Variants in ERG observed in about 807,000 individuals in gnomAD.
ERG encodes the protein ETS transcription factor ERG.
ERG carries 9 observed loss-of-function variants against 55.3 expected under a neutral mutation model. The observed-to-expected ratio is 0.16, with a 90% CI of 0.10 to 0.28. The LOEUF (loss-of-function observed/expected upper bound fraction) is 0.28, where lower values mean the gene tolerates loss of function less well. Ranked by LOEUF, ERG falls within the 10% of genes least tolerant of loss-of-function variation. ERG has a pLI of 1.00. For missense variants in ERG, 434 were observed against 631.6 expected (o/e 0.69, Z 3.35); for synonymous variants, 223 against 237.3 (o/e 0.94, Z 0.55).
At chr21:38,573,573 A>G (rs935189893) in intron 2 of ERG, among the ~76,000 whole-genome samples, 1 of 152,238 alleles carries the variant, frequency 6.6e-6, no homozygotes, top group East Asian at 1.9e-4. Flanking sequence ...ATCCAGGCAT[A>G]GTACCTTCCC....
intron 1 of ERG, among the ~76,000 whole-genome samples, chr21:38,618,226 A>G (rs187548003): frequency 6.6e-6 from 1 of 152,356 alleles, no homozygotes; most frequent in East Asian, 1.9e-4. Context: ...CATCCTGTTA[A>G]GAGGCACTGA....
At chr21:38,450,552 T>C (rs1360403904) in intron 1 of ERG, among the ~76,000 whole-genome samples, 1 of 152,190 alleles carries the variant, frequency 6.6e-6, no homozygotes, top group Non-Finnish European at 1.5e-5. Context: ...AACCCTTCCT[T>C]AAATTTCCCT....
chr21:38,405,519 G>A (rs1253541807), intron 3 of ERG, among the ~76,000 whole-genome samples: 1 of 152,138 alleles, frequency 6.6e-6, no homozygotes, highest in Non-Finnish European at 1.5e-5. Context: ...AATTAGGCTG[G>A]AGGGCAGTTG....
At chr21:38,482,181 C>T (rs1184786362) in intron 1 of ERG, among the ~76,000 whole-genome samples, 2 of 152,214 alleles carry the variant, frequency 1.3e-5, no homozygotes, top group African/African-American at 4.8e-5. Context: ...CCCCGGTCAT[C>T]TGACCTTCCC....
chr21:38,383,831 C>G lies in ERG; in HGVS notation c.1012G>C (p.Glu338Gln), dbSNP rs781098288. 1 of 1,614,172 alleles carries G rather than the reference C, an allele frequency of 6.2e-7. No individual in the cohort carries two copies. Among genetic ancestry groups the G allele is most frequent in the South Asian group, 1.1e-5 (1 of 91,086 alleles). The change falls in exon 10 of 10, where the codon GAG becomes CAG. Residue 338 changes from glutamate (E) to glutamine (Q), a missense_variant. Physicochemically the swap from Glu to Gln is conservative, Grantham distance 29. Around this residue, in one of 5 missense-constraint regions of ERG, gnomAD observed 13 missense variants for 76.6 expected, o/e 0.17. Transcript: ENST00000288319. This position sits in a 1 kb window ranked among gnomAD's most constrained non-coding sequence, Gnocchi z 5.7. ...SCITWEGTNG[E>Q]FKMTDPDEVA... ...TCGTCGGGATCCGTCATCTTGAACT[C>G]CCCGTTGGTGCCTTCCCAGGTGATG... is the stretch of plus-strand genomic sequence containing the variant.
chr21:38,372,723 T>C, the ERG span, among the ~76,000 whole-genome samples: 1 of 152,146 alleles, frequency 6.6e-6, no homozygotes, highest in Non-Finnish European at 1.5e-5. Context: ...CTATTCATGG[T>C]AAATTTGTAA....
At chr21:38,631,083 G>A (rs546478750) in intron 1 of ERG, among the ~76,000 whole-genome samples, 52 of 152,316 alleles carry the variant, frequency 3.4e-4, no homozygotes, top group Non-Finnish European at 5.9e-4. Flanking sequence ...CAGAAACCAG[G>A]ATGTGACCAC....
chr21:38,459,834 C>T (rs186582262), intron 1 of ERG, among the ~76,000 whole-genome samples: 1 of 152,332 alleles, frequency 6.6e-6, no homozygotes, highest in Admixed American at 6.5e-5. Context: ...CACAAAGACA[C>T]CTATCTGCAT....
intron 6 of ERG, 147 bp downstream of exon 6, chr21:38,400,426 CA>C: frequency 2.6e-6 from 2 of 774,000 alleles, no homozygotes; most frequent in South Asian, 1.4e-5. Context: ...ATTTAGTCTC[CA>C]AATCAACAGA....
intron 2 of ERG, among the ~76,000 whole-genome samples, chr21:38,572,190 A>AC (rs1450306410): frequency 2.1e-5 from 1 of 48,360 alleles, no homozygotes; most frequent in Non-Finnish European, 4.2e-5. Context: ...CCCCGTCTCT[A>AC]CTAAAAAAAA....
upstream of ERG, among the ~76,000 whole-genome samples, chr21:38,585,532 C>CTTTTTTTTTTTTTTTTTTTTT (rs760791568): frequency 0.014 from 804 of 59,266 alleles, 265 homozygotes; most frequent in Non-Finnish European, 0.019. Flanking sequence ...TCTCTCTCTT[C>CTTTTTTTTTTTTTTTTTTTTT]TTTTTTTTTT....
At position 38,582,800 on chromosome 21, in the gene ERG, G is replaced by A. The variant is rs553190442; in HGVS notation, c.-127+2044C>T. Among the ~76,000 whole-genome samples the A allele has an allele frequency of 7.2e-5, 11 of 152,034 alleles. No homozygotes were observed. In the East Asian group the frequency reaches 1.5e-3, roughly 21 times the overall value. On this transcript the variant is annotated intron_variant, in intron 1 of 8. Transcript: ENST00000398897. ...CTTGCTCTGTCGCCCAGGCTGGAGC[G>A]CAGTGGCGCAATCTTGGCTCACTGC...
At chr21:38,615,645 A>G (rs550076139) in intron 1 of ERG, among the ~76,000 whole-genome samples, 1 of 150,186 alleles carries the variant, frequency 6.7e-6, no homozygotes, top group Admixed American at 6.7e-5. Context: ...TAGTATGTAG[A>G]AGCATAGAAT....
upstream of ERG, among the ~76,000 whole-genome samples, chr21:38,586,176 AATATATATATATATATATATATATATAT>A (rs56413525): frequency 0.13 from 17,256 of 128,342 alleles, 1,498 homozygotes; most frequent in Middle Eastern, 0.18. Flanking sequence ...TATGTTTTGA[AATATATATATATATATATATATATATAT>A]ATATATATAT....
At chr21:38,584,332 AT>A (rs1445717778) in intron 1 of ERG, among the ~76,000 whole-genome samples, 1 of 152,020 alleles carries the variant, frequency 6.6e-6, no homozygotes, top group Non-Finnish European at 1.5e-5. Flanking sequence ...TTTTATTTTT[AT>A]TTTTTGGCAT....
At chr21:38,462,226 G>A (rs563596260) in intron 1 of ERG, among the ~76,000 whole-genome samples, 1 of 152,210 alleles carries the variant, frequency 6.6e-6, no homozygotes, top group South Asian at 2.1e-4. Context: ...CAGGTGATCT[G>A]CCTGCTTTGG....
At chr21:38,469,002 G>GAAAAAAAAAAAAAAA (rs796522125) in intron 1 of ERG, among the ~76,000 whole-genome samples, 1 of 62,098 alleles carries the variant, frequency 1.6e-5, no homozygotes, top group Non-Finnish European at 3.9e-5. Flanking sequence ...AAAAAAAAAA[G>GAAAAAAAAAAAAAAA]AAAAAAAAAA....
chr21:38,625,072 C>T (rs1055642113), intron 1 of ERG, among the ~76,000 whole-genome samples: 2 of 152,104 alleles, frequency 1.3e-5, no homozygotes, highest in African/African-American at 4.8e-5. Context: ...GGAAGAAGTA[C>T]ATTATTTCAC....
At chr21:38,467,668 T>A (rs149307859) in intron 1 of ERG, among the ~76,000 whole-genome samples, 1 of 152,328 alleles carries the variant, frequency 6.6e-6, no homozygotes, top group East Asian at 1.9e-4. Context: ...ATCTATTAAT[T>A]TGCATCTTGA....
Sources: gnomAD v4.1 joint callset for allele counts (sites outside exome capture counted in the v4.1 genomes callset) on GRCh38, gnomAD v4.1.1 for gene constraint, gnomAD v4.1.1 regional missense constraint, Gnocchi (gnomAD v3.1) non-coding constraint, MANE v1.5 for transcripts, NCBI Gene and HGNC (gene_info 2026-07-23, HGNC 2026-07-21) for gene names.